Variants in PHF8 observed in about 807,000 individuals in gnomAD.
The protein encoded by PHF8 is PHD finger protein 8, also known as histone lysine demethylase PHF8.
Under a neutral mutation model 74.4 loss-of-function variants are expected in PHF8, and 9 were observed. The ratio of observed to expected loss-of-function variants is 0.12; its 90% confidence interval spans 0.07 to 0.21. PHF8 has a LOEUF of 0.21. PHF8 is among the 10% of genes least tolerant of loss of function. The pLI, the probability that PHF8 is intolerant of heterozygous loss-of-function variation, is 1.00. For missense variants in PHF8, 478 were observed against 816.6 expected, an observed-to-expected ratio of 0.59 and a Z score of 5.05; for synonymous variants, 311 against 316.6, an observed-to-expected ratio of 0.98 and a Z score of 0.19.
intron 18 of PHF8, among the ~76,000 whole-genome samples, chrX:53,978,256 T>C (rs781903394): frequency 9.1e-6 from 1 of 110,399 alleles, no homozygotes; most frequent in South Asian, 3.9e-4. Flanking sequence ...AGTGGTTTCC[T>C]GTAAAGTTAA....
At chrX:53,978,532 C>T (rs2065423811) in intron 18 of PHF8, among the ~76,000 whole-genome samples, 2 of 111,027 alleles carry the variant, frequency 1.8e-5, no homozygotes, top group South Asian at 7.7e-4. Flanking sequence ...GGTGCAGTGG[C>T]TTATGCCTGT....
At chrX:53,987,288 G>A in intron 15 of PHF8, 125 bp from the exon 16 acceptor site, 1 of 490,398 alleles carries the variant, frequency 2.0e-6, no homozygotes, top group East Asian at 3.7e-5. Context: ...TTAGAGGTTA[G>A]GGATCAGGTG....
chrX:53,990,503 C>T (rs1203945268), intron 14 of PHF8, among the ~76,000 whole-genome samples: 1 of 111,294 alleles, frequency 9.0e-6, no homozygotes, highest in East Asian at 2.8e-4. Flanking sequence ...ACTCCTAGGA[C>T]TCTGAATTTT....
upstream of PHF8, among the ~76,000 whole-genome samples, chrX:54,047,533 G>T (rs2066639793): frequency 8.9e-6 from 1 of 111,908 alleles, no homozygotes; most frequent in Non-Finnish European, 1.9e-5. Flanking sequence ...GCAGCTGACA[G>T]TCTACTGGCG....
chrX:54,047,107 A>G (rs1441978395), upstream of PHF8, among the ~76,000 whole-genome samples: 2 of 112,325 alleles, frequency 1.8e-5, no homozygotes, highest in African/African-American at 6.5e-5. Context: ...AAGATGTCTT[A>G]GCTTCACAAG....
chrX:54,043,659 C>T, intron 1 of PHF8, 103 bp downstream of exon 1: 1 of 175,250 alleles, frequency 5.7e-6, no homozygotes, highest in Non-Finnish European at 9.1e-6. Flanking sequence ...CCTTGCAGCC[C>T]CCCCTCAAAC....
rs782610536 is a variant in PHF8 at position 54,007,409 on chromosome X, G to A, written c.946+3713C>T. ...ATAAAGAAAAAAAAATAGATAAATTGGGCATCAAAATTTGTAACTTTTGTC... is the reference window on the plus strand; with the variant it reads ...ATAAAGAAAAAAAAATAGATAAATTAGGCATCAAAATTTGTAACTTTTGTC... On this transcript the variant is annotated intron_variant, in intron 8 of 21. Transcript: ENST00000338154. Among the ~76,000 whole-genome samples the A allele has an allele frequency of 7.2e-5, 8 of 111,563 alleles. No individual in the cohort carries two copies. In the South Asian group the frequency reaches 2.9e-3, roughly 41 times the overall value.
rs782287951 is a variant in PHF8, at chrX:53,985,925, T to C, written c.2020A>G (p.Met674Val). Residue 674 changes from methionine to valine, a missense_variant, in exon 17 of 22, where the codon ATG becomes GTG. Around this residue, in one of 9 missense-constraint regions of PHF8, gnomAD observed 45 missense variants for 94.4 expected, o/e 0.48. Coordinates refer to ENST00000338154, the MANE Select transcript of PHF8 (RefSeq NM_015107.3). ...AGCTTGCCTTCAACCCCTTCCACCATGTCCTCATCTGTTGTATAGTCCTCC... is the reference window on the plus strand; with the variant it reads ...AGCTTGCCTTCAACCCCTTCCACCACGTCCTCATCTGTTGTATAGTCCTCC... Reference protein sequence around the residue: ...IEEDYTTDEDMVEGVEGKLGN... With the variant: ...IEEDYTTDEDVVEGVEGKLGN... 157 of 1,207,384 alleles carry C rather than the reference T, an allele frequency of 1.3e-4. No homozygotes were observed. The highest frequency in any genetic ancestry group is 1.7e-4 in the Non-Finnish European group (156 of 893,290).
intron 2 of PHF8, among the ~76,000 whole-genome samples, chrX:54,023,946 T>C (rs1394820841): frequency 9.2e-6 from 1 of 108,966 alleles, no homozygotes; most frequent in Non-Finnish European, 1.9e-5. Flanking sequence ...TCAGCCAAGA[T>C]CATGCTCATA....
intron 20 of PHF8, chrX:53,943,370 T>C: frequency 1.1e-6 from 1 of 899,893 alleles, no homozygotes; most frequent in Non-Finnish European, 1.6e-6. Flanking sequence ...TGTATTATCC[T>C]GAGTCAGTTA....
At position 53,954,808 on chromosome X, in the gene PHF8, C is replaced by A. The variant is rs781958623; in HGVS notation, c.2539+8036G>T. On this transcript the variant is annotated intron_variant, in intron 19 of 21. Transcript: ENST00000338154. ...CTATAGTATATTTCATTTACTTTCT[C>A]TATCCCAATATTCTTTAAGCTAATT... Among the ~76,000 whole-genome samples the A allele has an allele frequency of 2.7e-5, 3 of 110,857 alleles. No individual in the cohort carries two copies. The Admixed American group carries it at 2.9e-4, about 11-fold the overall frequency.
intron 2 of PHF8, among the ~76,000 whole-genome samples, chrX:54,026,658 C>T (rs1275981935): frequency 9.0e-6 from 1 of 110,783 alleles, no homozygotes; most frequent in Admixed American, 9.8e-5. Flanking sequence ...AGCAGTGGTG[C>T]CAATCATAGT....
chrX:54,036,028 T>C (rs2066447067), intron 2 of PHF8, among the ~76,000 whole-genome samples: 2 of 106,558 alleles, frequency 1.9e-5, no homozygotes. Context: ...GAAGAATCGC[T>C]TGAACCTGGG....
At chrX:53,962,367 T>C (rs2065119017) in intron 19 of PHF8, among the ~76,000 whole-genome samples, 1 of 111,927 alleles carries the variant, frequency 8.9e-6, no homozygotes, top group East Asian at 2.8e-4. Context: ...ATTCTTCCAT[T>C]ATCCTCTAAA....
chrX:54,043,861 T>C lies in PHF8; in HGVS notation c.-192A>G, dbSNP rs781962148. ...AATCCTACAGGGACCTCCTCATGCT[T>C]TGGGCTGCAAGGACTCCACGCCCGC... is the stretch of plus-strand genomic sequence containing the variant. On this transcript the variant is annotated 5_prime_UTR_variant, in exon 1 of 22. Coordinates refer to ENST00000338154, the MANE Select transcript of PHF8 (RefSeq NM_015107.3). The C allele has an allele frequency of 1.6e-4, 121 of 752,952 alleles. 1 individual carries two copies. In the African/African-American group the frequency reaches 2.7e-3, roughly 17 times the overall value. 62.1% of individuals were successfully genotyped at this position (752,952 alleles called of 1,213,427 possible).
intron 18 of PHF8, among the ~76,000 whole-genome samples, chrX:53,981,743 T>C (rs2065482853): frequency 1.8e-5 from 2 of 112,134 alleles, no homozygotes; most frequent in Admixed American, 9.5e-5. Context: ...TTTGAGTCTG[T>C]ATTTTGGCTT....
At chrX:53,995,614 T>A in intron 12 of PHF8, 79 bp downstream of exon 12, 1 of 609,856 alleles carries the variant, frequency 1.6e-6, no homozygotes, top group African/African-American at 2.2e-5. Context: ...GCTCTCATGC[T>A]AACTGCAGAG....
In PHF8 at chrX:53,987,794, C is replaced by T; in HGVS notation, c.1881G>A (p.Lys627=). Residue 627 remains lysine, a synonymous_variant, in exon 15 of 22, where the codon AAG becomes AAA. Transcript: ENST00000338154. ...GTCTTATTATCAGGGTCGCCTTCTC[C>T]TTTCCCAATCTCTCGTCAATCTGCA... is the stretch of plus-strand genomic sequence containing the variant. ...DELQIDERLG[K]EKATLIIRPK... 1 of 1,206,164 alleles carries T rather than the reference C, an allele frequency of 8.3e-7. No homozygotes were observed. Among genetic ancestry groups the T allele is most frequent in the Non-Finnish European group, 1.1e-6 (1 of 892,115 alleles).
intron 19 of PHF8, among the ~76,000 whole-genome samples, chrX:53,951,677 C>T (rs897155110): frequency 9.1e-6 from 1 of 110,103 alleles, no homozygotes; most frequent in African/African-American, 3.3e-5. Flanking sequence ...TGGTCTTGAT[C>T]TCCTGACCTC....
Sources: gnomAD v4.1 joint callset for allele counts (sites outside exome capture counted in the v4.1 genomes callset) on GRCh38, gnomAD v4.1.1 for gene constraint, gnomAD v4.1.1 regional missense constraint, MANE v1.5 for transcripts, NCBI Gene and HGNC (gene_info 2026-07-23, HGNC 2026-07-21) for gene names.